ABCB1: variants seen among roughly 807,000 people sequenced by gnomAD.
The protein encoded by ABCB1 is ATP binding cassette subfamily B member 1.
ABCB1 carries 69 observed loss-of-function variants against 142.0 expected under a neutral mutation model. The ratio of observed to expected loss-of-function variants is 0.49; its 90% confidence interval spans 0.40 to 0.59. The LOEUF is 0.59. Among genes scored for constraint, ABCB1 ranks in the 20% least tolerant of loss-of-function variants. ABCB1 has a pLI of 0.00. For synonymous variants in ABCB1, 532 were observed against 539.2 expected (o/e 0.99, Z 0.18); for missense variants, 1,326 against 1,554.7 (o/e 0.85, Z 2.47).
chr7:87,641,123 A>G (rs907737491), intron 1 of ABCB1, among the ~76,000 whole-genome samples: 2 of 152,018 alleles, frequency 1.3e-5, no homozygotes, highest in Non-Finnish European at 2.9e-5. Context: ...TTATTAAGTT[A>G]TTTCTTTAAT....
chr7:87,682,191 C>A (rs892813905), intron 1 of ABCB1, among the ~76,000 whole-genome samples: 1 of 152,202 alleles, frequency 6.6e-6, no homozygotes. Flanking sequence ...AGTTCTACTT[C>A]TAGTTCTCTT....
At chr7:87,600,439 T>A (rs1424008669) in intron 1 of ABCB1, among the ~76,000 whole-genome samples, 1 of 152,082 alleles carries the variant, frequency 6.6e-6, no homozygotes, top group Non-Finnish European at 1.5e-5. Context: ...CCAGTGCGAT[T>A]CTCCCTCCCG....
chr7:87,689,483 CT>C (rs1827810966), intron 1 of ABCB1, among the ~76,000 whole-genome samples: 1 of 151,852 alleles, frequency 6.6e-6, no homozygotes, highest in Non-Finnish European at 1.5e-5. Flanking sequence ...AACAATTTTG[CT>C]TTATTGCGCT....
chr7:87,544,780 A>G, intron 16 of ABCB1, 43 bp downstream of exon 16: 1 of 1,606,998 alleles, frequency 6.2e-7, no homozygotes, highest in Non-Finnish European at 8.5e-7. Flanking sequence ...CTAGGGAACC[A>G]CAGTTAGTGA....
chr7:87,612,177 A>T, intron 1 of ABCB1, among the ~76,000 whole-genome samples: 1 of 152,160 alleles, frequency 6.6e-6, no homozygotes, highest in Non-Finnish European at 1.5e-5. Flanking sequence ...TGTTGAATGC[A>T]TAATTTACAA....
intron 4 of ABCB1, among the ~76,000 whole-genome samples, chr7:87,578,819 A>G (rs1440907391): frequency 1.2e-4 from 18 of 148,980 alleles, no homozygotes; most frequent in African/African-American, 4.5e-4. Flanking sequence ...TCAGCCTCCC[A>G]AGTAGCTGGG....
At chr7:87,619,409 C>T (rs1820143285) in intron 1 of ABCB1, among the ~76,000 whole-genome samples, 1 of 151,770 alleles carries the variant, frequency 6.6e-6, no homozygotes, top group Non-Finnish European at 1.5e-5. Context: ...TATGGTGGCA[C>T]ATGCTTGTAT....
intron 1 of ABCB1, chr7:87,700,488 G>A (rs762657635): frequency 2.5e-6 from 4 of 1,613,550 alleles, no homozygotes; most frequent in Non-Finnish European, 3.4e-6. Flanking sequence ...TGGCTTGCCG[G>A]AAAGTTTCAC....
intron 4 of ABCB1, among the ~76,000 whole-genome samples, chr7:87,583,587 G>T (rs539981655): frequency 6.6e-6 from 1 of 152,188 alleles, no homozygotes; most frequent in Admixed American, 6.5e-5. Flanking sequence ...TGGTGATGTG[G>T]CCCCTGTTTA....
chr7:87,710,989 T>G lies in ABCB1; in HGVS notation c.-331+2172A>C, dbSNP rs570222057. Reference sequence around the variant, plus strand: ...TTAAGTATGAAATTTCAATAGCATCTTTTTTCTTTTCACCTCAGTATTTCC... The same window carrying G: ...TTAAGTATGAAATTTCAATAGCATCGTTTTTCTTTTCACCTCAGTATTTCC... On this transcript the variant is annotated intron_variant, in intron 1 of 28. Coordinates refer to the ABCB1 transcript ENST00000265724. 1.8e-4 allele frequency among the ~76,000 whole-genome samples: 28 copies of G among 152,296 alleles called. 1 individual carries two copies. The South Asian group carries it at 4.1e-3, about 23-fold the overall frequency.
chr7:87,524,265 TACC>T (rs1815676683), intron 21 of ABCB1, among the ~76,000 whole-genome samples: 1 of 152,186 alleles, frequency 6.6e-6, no homozygotes, highest in South Asian at 2.1e-4. Context: ...GAATTATGTT[TACC>T]ACAAGATACT....
chr7:87,633,001 G>A (rs911286501), intron 1 of ABCB1, among the ~76,000 whole-genome samples: 17 of 152,212 alleles, frequency 1.1e-4, no homozygotes, highest in Middle Eastern at 3.4e-3. Flanking sequence ...GACAAGTGAT[G>A]ATTTCACAAT....
chr7:87,537,233 C>T (rs545582235), intron 19 of ABCB1, among the ~76,000 whole-genome samples: 12 of 152,114 alleles, frequency 7.9e-5, no homozygotes, highest in Middle Eastern at 3.4e-3. Context: ...TGGAAAAAGG[C>T]GGTTATAGGA....
chr7:87,646,732 G>C (rs535320880), intron 1 of ABCB1, among the ~76,000 whole-genome samples: 4 of 152,000 alleles, frequency 2.6e-5, no homozygotes, highest in Non-Finnish European at 4.4e-5. Context: ...CTTATTAAAA[G>C]TTTGCCAGGG....
intron 23 of ABCB1, among the ~76,000 whole-genome samples, chr7:87,517,742 A>T (rs1190021722): frequency 6.6e-6 from 1 of 152,224 alleles, no homozygotes; most frequent in African/African-American, 2.4e-5. Context: ...TGTTGCTCTT[A>T]AGATGCATTG....
At chr7:87,621,138 G>A (rs749359823) in intron 1 of ABCB1, among the ~76,000 whole-genome samples, 4 of 152,114 alleles carry the variant, frequency 2.6e-5, no homozygotes, top group Non-Finnish European at 5.9e-5. Flanking sequence ...TTTTCTTGGT[G>A]AGAGAGATGT....
intron 21 of ABCB1, among the ~76,000 whole-genome samples, chr7:87,527,696 T>C (rs183887286): frequency 6.4e-4 from 97 of 152,322 alleles, no homozygotes; most frequent in African/African-American, 2.3e-3. Context: ...TATTGCAATA[T>C]GCAATTTACT....
chr7:87,616,873 C>A (rs1280793891), intron 1 of ABCB1, among the ~76,000 whole-genome samples: 1 of 152,124 alleles, frequency 6.6e-6, no homozygotes, highest in African/African-American at 2.4e-5. Flanking sequence ...TGATAAGAAA[C>A]CAATTGGTCT....
At chr7:87,638,340 T>C (rs1822031817) in intron 1 of ABCB1, among the ~76,000 whole-genome samples, 1 of 107,280 alleles carries the variant, frequency 9.3e-6, no homozygotes, top group Non-Finnish European at 1.8e-5. Flanking sequence ...TTAGGAAGTA[T>C]GTGTTTGTGT....
Sources: gnomAD v4.1 joint callset for allele counts (sites outside exome capture counted in the v4.1 genomes callset) on GRCh38, gnomAD v4.1.1 for gene constraint, MANE v1.5 for transcripts, NCBI Gene and HGNC (gene_info 2026-07-23, HGNC 2026-07-21) for gene names.